The following BTBD8 variants were observed in gnomAD, a reference collection of about 807,000 sequenced individuals.
BTBD8 encodes the protein BTB/POZ domain-containing protein 8.
A neutral mutation model predicts 162.9 loss-of-function variants in BTBD8; 110 were observed. That is an observed-to-expected ratio of 0.68 (90% CI 0.58 to 0.79). BTBD8 has a LOEUF of 0.79. Ranked by LOEUF, BTBD8 falls within the 30% of genes least tolerant of loss-of-function variation. The probability of loss-of-function intolerance (pLI) is 0.00; values close to 1 mark genes in which losing one functional copy is unlikely to be tolerated. For missense variants in BTBD8, 1,905 were observed against 2,085.4 expected, an observed-to-expected ratio of 0.91 and a Z score of 1.68; for synonymous variants, 667 against 716.1, an observed-to-expected ratio of 0.93 and a Z score of 1.10.
chr1:92,118,354 T>G (rs182502058), intron 4 of BTBD8, among the ~76,000 whole-genome samples: 124 of 150,818 alleles, frequency 8.2e-4, no homozygotes, highest in African/African-American at 2.9e-3. Context: ...AGAAATTCCC[T>G]TAAATGGAGT....
intron 9 of BTBD8, among the ~76,000 whole-genome samples, chr1:92,157,180 C>T (rs187410451): frequency 3.8e-4 from 58 of 151,780 alleles, no homozygotes; most frequent in African/African-American, 1.4e-3. Context: ...TTTCTTTGAC[C>T]CATTGGTTGT....
intron 13 of BTBD8, among the ~76,000 whole-genome samples, chr1:92,172,584 T>C (rs1055724757): frequency 1.3e-5 from 2 of 152,240 alleles, no homozygotes; most frequent in African/African-American, 4.8e-5. Context: ...AATAATATAT[T>C]CAAAGTACAA....
chr1:92,130,642 A>G (rs1360982625), intron 5 of BTBD8, among the ~76,000 whole-genome samples: 4 of 152,056 alleles, frequency 2.6e-5, no homozygotes, highest in Admixed American at 2.6e-4. Flanking sequence ...TTATCTCAAA[A>G]GGATCTTAAT....
Position 92,114,834 on chromosome 1 carries a change from C to T in BTBD8, c.662+6833C>T, listed in dbSNP as rs1648991079. The T allele has an allele frequency of 8.8e-6, 3 of 339,362 alleles. No individual in the cohort carries two copies. In the South Asian group the frequency reaches 9.5e-5, roughly 11 times the overall value. The allele number at this position is 339,362 out of a possible 1,614,324, so 21.0% of individuals were successfully genotyped here. ...TTGGAGGCCATGTGGACCATGAAACCCACCACCCTGTTGCTGTAGCCAAAT... is the reference window on the plus strand; with the variant it reads ...TTGGAGGCCATGTGGACCATGAAACTCACCACCCTGTTGCTGTAGCCAAAT... On this transcript the variant is annotated intron_variant, in intron 4 of 17. Coordinates refer to ENST00000636805, the MANE Select transcript of BTBD8 (RefSeq NM_001376131.1).
At chr1:92,106,126 T>G (rs1648718092) in intron 3 of BTBD8, among the ~76,000 whole-genome samples, 1 of 152,236 alleles carries the variant, frequency 6.6e-6, no homozygotes, top group Admixed American at 6.5e-5. Context: ...ACCAAAACCT[T>G]GGGCATTGAT....
At chr1:92,089,465 C>T (rs1648242895) in intron 2 of BTBD8, among the ~76,000 whole-genome samples, 1 of 152,056 alleles carries the variant, frequency 6.6e-6, no homozygotes, top group African/African-American at 2.4e-5. Flanking sequence ...ATTCTCATGG[C>T]TTATGTCTTA....
intron 4 of BTBD8, among the ~76,000 whole-genome samples, chr1:92,117,375 T>G (rs1649072761): frequency 6.6e-6 from 1 of 151,846 alleles, no homozygotes; most frequent in Non-Finnish European, 1.5e-5. Flanking sequence ...AGCAGGCATT[T>G]AAGTTATTGT....
intron 4 of BTBD8, among the ~76,000 whole-genome samples, chr1:92,122,644 A>G (rs1022595076): frequency 6.6e-6 from 1 of 151,866 alleles, no homozygotes; most frequent in Non-Finnish European, 1.5e-5. Flanking sequence ...GCTCACTACA[A>G]GCCTGCGCCC....
At chr1:92,163,553 T>A (rs1490579483) in intron 9 of BTBD8, among the ~76,000 whole-genome samples, 1 of 151,814 alleles carries the variant, frequency 6.6e-6, no homozygotes, top group Non-Finnish European at 1.5e-5. Context: ...AGACTTTTCC[T>A]AGAATGTCCT....
chr1:92,148,604 G>A (rs1570745491), intron 9 of BTBD8, among the ~76,000 whole-genome samples: 2 of 152,150 alleles, frequency 1.3e-5, no homozygotes, highest in East Asian at 1.9e-4. Context: ...CAGGATTTAT[G>A]GGCCTAAAAA....
At chr1:92,164,331 T>C (rs957048112) in intron 9 of BTBD8, among the ~76,000 whole-genome samples, 3 of 152,046 alleles carry the variant, frequency 2.0e-5, no homozygotes, top group African/African-American at 7.2e-5. Context: ...TACAAAATTT[T>C]TTAGAGCTGG....
chr1:92,117,352 AG>A (rs11305652), intron 4 of BTBD8, among the ~76,000 whole-genome samples: 95,137 of 150,812 alleles, frequency 0.63, 30,571 homozygotes, highest in East Asian at 0.97. Context: ...AGATTATTAA[AG>A]GTTTTTTTTT....
chr1:92,124,070 A>T (rs1649285335), intron 4 of BTBD8, among the ~76,000 whole-genome samples: 2 of 152,180 alleles, frequency 1.3e-5, no homozygotes, highest in African/African-American at 4.8e-5. Context: ...AATTTGTGTG[A>T]AGATTGCCAG....
chr1:92,173,152 C>T (rs1650601905), intron 13 of BTBD8, among the ~76,000 whole-genome samples: 1 of 152,086 alleles, frequency 6.6e-6, no homozygotes, highest in Admixed American at 6.6e-5. Flanking sequence ...CTCGAACTCC[C>T]GACCTCAGGT....
At chr1:92,125,061 G>A (rs1478842287) in intron 4 of BTBD8, among the ~76,000 whole-genome samples, 1 of 152,074 alleles carries the variant, frequency 6.6e-6, no homozygotes, top group Non-Finnish European at 1.5e-5. Flanking sequence ...AAGATTTAAA[G>A]TAACATCTTT....
intron 9 of BTBD8, among the ~76,000 whole-genome samples, chr1:92,153,201 A>T (rs914953540): frequency 1.3e-5 from 2 of 152,244 alleles, no homozygotes; most frequent in African/African-American, 4.8e-5. Context: ...ATTTCATTTT[A>T]AAAAAATTTC....
rs1006048241 is a variant in BTBD8 at position 92,184,269 on chromosome 1, C to T, written c.5318C>T (p.Ser1773Phe). ...SSASITMASF[S>F]SEDCSPQGEW... The stretch of plus-strand genomic sequence containing the variant: ...GCGAGCATCACCATGGCTAGTTTTT[C>T]CTCTGAAGATTGTTCGCCTCAAGGC... Residue 1773 changes from serine (S) to phenylalanine (F), a missense_variant, in exon 18 of 18, where the codon TCC becomes TTC. By Grantham distance (155) the Ser-to-Phe change is radical. This residue lies in a region of BTBD8 where 517 missense variants were observed against 606.6 expected (regional missense o/e 0.85). Transcript: ENST00000636805. The T allele has an allele frequency of 1.4e-5, 21 of 1,551,446 alleles. No individual in the cohort carries two copies. The highest frequency in any genetic ancestry group is 9.8e-5 in the Admixed American group (5 of 50,980).
intron 4 of BTBD8, among the ~76,000 whole-genome samples, chr1:92,110,197 C>T (rs1648851913): frequency 6.6e-6 from 1 of 152,196 alleles, no homozygotes; most frequent in African/African-American, 2.4e-5. Context: ...CATTCACTTG[C>T]TTGTGGTGGC....
At chr1:92,175,894 T>C (rs917601433) in intron 13 of BTBD8, among the ~76,000 whole-genome samples, 1 of 152,224 alleles carries the variant, frequency 6.6e-6, no homozygotes, top group Non-Finnish European at 1.5e-5. Context: ...TTGTTCCCTT[T>C]CATATCAAGG....
Sources: gnomAD v4.1 joint callset for allele counts (sites outside exome capture counted in the v4.1 genomes callset) on GRCh38, gnomAD v4.1.1 for gene constraint, gnomAD v4.1.1 regional missense constraint, MANE v1.5 for transcripts, NCBI Gene and HGNC (gene_info 2026-07-23, HGNC 2026-07-21) for gene names.